DAB2: variants seen among roughly 807,000 people sequenced by gnomAD.
The protein encoded by DAB2 is disabled homolog 2.
Under a neutral mutation model 71.6 loss-of-function variants are expected in DAB2, and 28 were observed. The ratio of observed to expected loss-of-function variants is 0.39; its 90% confidence interval spans 0.29 to 0.54. DAB2 has a LOEUF of 0.54. Ranked by LOEUF, DAB2 falls within the 20% of genes least tolerant of loss-of-function variation. The pLI is 0.68. For missense variants in DAB2, 867 were observed against 928.8 expected (o/e 0.93, Z 0.86); for synonymous variants, 345 against 339.7 (o/e 1.02, Z -0.17).
intron 1 of DAB2, among the ~76,000 whole-genome samples, chr5:39,421,902 C>A (rs1372111001): frequency 2.9e-5 from 4 of 140,140 alleles, no homozygotes; most frequent in African/African-American, 2.6e-5. Flanking sequence ...ACTACTACTA[C>A]AAAAAAAAAA....
intron 1 of DAB2, among the ~76,000 whole-genome samples, chr5:39,404,369 A>G (rs1420693621): frequency 6.6e-6 from 1 of 151,356 alleles, no homozygotes; most frequent in East Asian, 1.9e-4. Context: ...CATTGTGCAC[A>G]TGTACCCTAA....
chr5:39,414,318 T>C (rs557697104), intron 1 of DAB2, among the ~76,000 whole-genome samples: 3 of 152,224 alleles, frequency 2.0e-5, no homozygotes, highest in African/African-American at 4.8e-5. Flanking sequence ...TGGGCAGAAA[T>C]TGTGTTAAGT....
chr5:39,398,269 G>A (rs1190067294), intron 1 of DAB2, among the ~76,000 whole-genome samples: 2 of 152,172 alleles, frequency 1.3e-5, no homozygotes, highest in South Asian at 2.1e-4. Flanking sequence ...AACACAAGAC[G>A]TAGCTGAAGA....
At chr5:39,413,813 C>T (rs1429402597) in intron 1 of DAB2, among the ~76,000 whole-genome samples, 1 of 152,132 alleles carries the variant, frequency 6.6e-6, no homozygotes, top group Non-Finnish European at 1.5e-5. Context: ...TGGTAGACAG[C>T]AAAGCTTAAA....
At chr5:39,380,049 G>A (rs1350538868) in intron 11 of DAB2, among the ~76,000 whole-genome samples, 1 of 152,238 alleles carries the variant, frequency 6.6e-6, no homozygotes, top group Non-Finnish European at 1.5e-5. Flanking sequence ...AAAAAGCTCT[G>A]TGATGTGATC....
rs1392014846 is a variant in DAB2 at position 39,394,078 on chromosome 5, C to T, written c.91+152G>A. ...ACGTGAGATGAACCAGTCTCTTCTC[C>T]CAAGGTACAACTTTCCTATTAGGAG... On this transcript the variant is annotated intron_variant, in intron 2 of 14. Coordinates refer to ENST00000320816, the MANE Select transcript of DAB2 (RefSeq NM_001343.4). 5 of 641,602 alleles carry T rather than the reference C, an allele frequency of 7.8e-6. No individual in the cohort carries two copies. In the East Asian group the frequency reaches 1.4e-4, roughly 18 times the overall value. The allele number at this position is 641,602 out of a possible 1,614,324, so 39.7% of individuals were successfully genotyped here.
At chr5:39,397,405 G>T (rs1755392143) in intron 1 of DAB2, among the ~76,000 whole-genome samples, 1 of 152,104 alleles carries the variant, frequency 6.6e-6, no homozygotes, top group Admixed American at 6.5e-5. Flanking sequence ...TCTTAACTTT[G>T]TCCCCTCAGC....
chr5:39,389,238 T>A, intron 6 of DAB2, 115 bp from the exon 7 acceptor site: 1 of 734,726 alleles, frequency 1.4e-6, no homozygotes, highest in Non-Finnish European at 2.3e-6. Context: ...GTCTTGTATA[T>A]TATTTCTGCC....
intron 11 of DAB2, among the ~76,000 whole-genome samples, chr5:39,377,892 CTATATACA>C (rs1171796555): frequency 6.6e-6 from 1 of 152,142 alleles, no homozygotes; most frequent in Non-Finnish European, 1.5e-5. Context: ...ACTGATACAG[CTATATACA>C]TAAAGGGAAG....
chr5:39,420,683 G>A (rs114547980), intron 1 of DAB2, among the ~76,000 whole-genome samples: 2,252 of 152,262 alleles, frequency 0.015, 44 homozygotes, highest in African/African-American at 0.052. Flanking sequence ...TCTAGATGAT[G>A]CAAGAACTAG....
chr5:39,402,614 C>T (rs1438886568), intron 1 of DAB2, among the ~76,000 whole-genome samples: 3 of 152,184 alleles, frequency 2.0e-5, no homozygotes, highest in South Asian at 2.1e-4. Flanking sequence ...GACAGGGTTT[C>T]ACCATGTTGT....
Position 39,376,747 on chromosome 5 carries a change from A to G in DAB2, c.2040T>C (p.Ser680=), listed in dbSNP as rs1253138365. ...TGCTGTTGAAATAACTGGCAAAGGC[A>G]CTCAAAGTCCCAGAAGAAGTCTGCT... ...KGEQTSSGTL[S]AFASYFNSKV... is the part of the protein sequence containing the mutation. The change falls in exon 12 of 15, where the codon AGT becomes AGC. Residue 680 remains serine (S), a synonymous_variant. Transcript: ENST00000320816. 1 of 1,614,130 alleles carries G rather than the reference A, an allele frequency of 6.2e-7. No individual in the cohort carries two copies. The highest frequency in any genetic ancestry group is 8.5e-7 in the Non-Finnish European group (1 of 1,180,018).
At chr5:39,414,908 T>G (rs1343798266) in intron 1 of DAB2, among the ~76,000 whole-genome samples, 1 of 152,068 alleles carries the variant, frequency 6.6e-6, no homozygotes, top group African/African-American at 2.4e-5. Flanking sequence ...CATTATCCTA[T>G]GTATAGAGTG....
At chr5:39,388,023 T>A in intron 9 of DAB2, 1 of 303,162 alleles carries the variant, frequency 3.3e-6, no homozygotes, top group Non-Finnish European at 6.1e-6. Flanking sequence ...GGACTATTAT[T>A]CACCTCCTCC....
chr5:39,381,821 G>A (rs1267600847), intron 10 of DAB2, among the ~76,000 whole-genome samples: 1 of 152,226 alleles, frequency 6.6e-6, no homozygotes, highest in Non-Finnish European at 1.5e-5. Context: ...GGACTACTGA[G>A]TCTTAGTGTC....
chr5:39,381,280 T>C (rs1219039181), intron 11 of DAB2, among the ~76,000 whole-genome samples, 174 bp downstream of exon 11: 1 of 152,108 alleles, frequency 6.6e-6, no homozygotes, highest in East Asian at 1.9e-4. Context: ...GAGTTACAAG[T>C]CAAGAATATC....
rs1212558973 is a variant in DAB2 at position 39,382,977 on chromosome 5, A to G, written c.982T>C (p.Ser328Pro). ...DQKKENSSSSSTPLSNGPLNG... is the reference protein window; with the variant it reads ...DQKKENSSSSPTPLSNGPLNG... ...AGGGGCCCATTACTCAGCGGAGTAG[A>G]CGAGCTACTCGAATTCTCTTTCTTC... The change falls in exon 10 of 15, where the codon TCT becomes CCT. Residue 328 changes from serine to proline, a missense_variant. By Grantham distance (74) the Ser-to-Pro change is moderately conservative. Transcript: ENST00000320816. 1.2e-6 allele frequency: 2 copies of G among 1,614,168 alleles called. No individual in the cohort carries two copies. The highest frequency in any genetic ancestry group is 1.1e-5 in the South Asian group (1 of 91,082).
rs965200880 is a variant in DAB2 at position 39,424,904 on chromosome 5, C to G, written c.-202G>C. The G allele has an allele frequency of 3.3e-5, 5 of 152,488 alleles. No individual in the cohort carries two copies. The highest frequency in any genetic ancestry group is 5.9e-5 in the Non-Finnish European group (4 of 68,080). The allele number at this position is 152,488 out of a possible 1,614,324, so 9.4% of individuals were successfully genotyped here. ...CGGCGGGCCTCGCTTAAATAGCCGC[C>G]GGCCGGGAGCTTCGGAGCCGCGCGG... On this transcript the variant is annotated 5_prime_UTR_variant, in exon 1 of 15. Coordinates refer to ENST00000320816, the MANE Select transcript of DAB2 (RefSeq NM_001343.4).
chr5:39,390,937 G>C (rs1755212892), intron 4 of DAB2, among the ~76,000 whole-genome samples: 1 of 152,132 alleles, frequency 6.6e-6, no homozygotes, highest in African/African-American at 2.4e-5. Context: ...CCAACTCAAA[G>C]ACAAACTTAA....
Sources: gnomAD v4.1 joint callset for allele counts (sites outside exome capture counted in the v4.1 genomes callset) on GRCh38, gnomAD v4.1.1 for gene constraint, MANE v1.5 for transcripts, NCBI Gene and HGNC (gene_info 2026-07-23, HGNC 2026-07-21) for gene names.